TPTE: variants seen among roughly 807,000 people sequenced by gnomAD.
TPTE encodes the protein transmembrane phosphatase with tensin homology, also known as putative tyrosine-protein phosphatase TPTE.
TPTE carries 59 observed loss-of-function variants against 84.1 expected under a neutral mutation model. The observed-to-expected ratio is 0.70, with a 90% CI of 0.57 to 0.87. The LOEUF is 0.87. TPTE is among the 40% of genes least tolerant of loss of function. The probability of loss-of-function intolerance (pLI) is 0.00; values close to 1 mark genes in which losing one functional copy is unlikely to be tolerated. For missense variants in TPTE, 382 were observed against 659.6 expected (o/e 0.58, Z 4.61); for synonymous variants, 130 against 223.5 (o/e 0.58, Z 3.73).
At chr21:10,543,428 A>G (rs1454382747) in intron 7 of TPTE, 46 bp downstream of exon 7, 2 of 1,613,704 alleles carry the variant, frequency 1.2e-6, no homozygotes, top group East Asian at 4.5e-5. Context: ...AAGAGTGCAT[A>G]GAGCTATACA....
intron 7 of TPTE, among the ~76,000 whole-genome samples, chr21:10,543,623 A>G (rs1186315477): frequency 6.6e-5 from 10 of 152,414 alleles, no homozygotes; most frequent in East Asian, 1.9e-4. Flanking sequence ...AGGGTTTCCA[A>G]TTCTTCTCAT....
intron 23 of TPTE, among the ~76,000 whole-genome samples, chr21:10,605,074 A>C (rs1420907656): frequency 6.6e-6 from 1 of 152,312 alleles, no homozygotes; most frequent in African/African-American, 2.4e-5. Context: ...ATAAATTAAA[A>C]GAGATATAGT....
At chr21:10,571,574 GAT>G (rs2075044005) in intron 14 of TPTE, among the ~76,000 whole-genome samples, 2 of 152,310 alleles carry the variant, frequency 1.3e-5, no homozygotes, top group Admixed American at 6.5e-5. Context: ...GAAACTATGA[GAT>G]ACAGAGAATT....
chr21:10,575,261 T>G (rs1395509362), intron 14 of TPTE, among the ~76,000 whole-genome samples: 10 of 152,268 alleles, frequency 6.6e-5, no homozygotes, highest in Admixed American at 6.6e-4. Flanking sequence ...CCAGACTGCC[T>G]CTTTAAGCAG....
At chr21:10,566,977 CAAAAAAA>C (rs141155041) in intron 10 of TPTE, among the ~76,000 whole-genome samples, 167 of 126,120 alleles carry the variant, frequency 1.3e-3, no homozygotes, top group East Asian at 3.5e-3. Flanking sequence ...AACTCCATCT[CAAAAAAA>C]AAAAAAAAAA....
chr21:10,540,592 T>C (rs1439114034), intron 4 of TPTE: 1 of 508,692 alleles, frequency 2.0e-6, no homozygotes, highest in African/African-American at 1.9e-5. Flanking sequence ...CTAATAACCC[T>C]GGAATTATTT....
Position 10,561,130 on chromosome 21 carries a change from A to G in TPTE, c.385A>G (p.Ile129Val), listed in dbSNP as rs371357693. The change falls in exon 10 of 24, where the codon ATT becomes GTT. Residue 129 changes from isoleucine (I) to valine (V), a missense_variant. Physicochemically the swap from Ile to Val is conservative, Grantham distance 29. This residue lies in a region of TPTE where 85 missense variants were observed against 230.9 expected (regional missense o/e 0.37). Coordinates refer to ENST00000618007, the MANE Select transcript of TPTE (RefSeq NM_199261.4). ...TTATATTCCTTTGGAGTATCGTTCT[A>G]TTTCTCTAGCTATTGCCTTATTTTT... ...KLYIPLEYRS[I>V]SLAIALFFLM... 30 of 1,612,082 alleles carry G rather than the reference A, an allele frequency of 1.9e-5. No individual in the cohort carries two copies. The highest frequency in any genetic ancestry group is 9.3e-5 in the African/African-American group (7 of 75,010).
At chr21:10,601,655 C>G (rs867169037) in intron 21 of TPTE, among the ~76,000 whole-genome samples, 131 of 152,216 alleles carry the variant, frequency 8.6e-4, no homozygotes, top group African/African-American at 2.9e-3. Flanking sequence ...GAGTTTGAGA[C>G]CAGCCTGCCT....
chr21:10,564,915 A>G (rs538377098), intron 10 of TPTE, among the ~76,000 whole-genome samples: 2 of 152,428 alleles, frequency 1.3e-5, no homozygotes, highest in African/African-American at 4.8e-5. Flanking sequence ...GGAAAAAATG[A>G]AAAGCTTTTC....
chr21:10,536,612 C>G (rs879729837), intron 3 of TPTE, among the ~76,000 whole-genome samples: 1 of 152,294 alleles, frequency 6.6e-6, no homozygotes, highest in Admixed American at 6.5e-5. Flanking sequence ...GAGAGAGAAT[C>G]GACAGAGAGA....
At chr21:10,529,866 T>C (rs1422038393) in intron 3 of TPTE, among the ~76,000 whole-genome samples, 7 of 152,306 alleles carry the variant, frequency 4.6e-5, no homozygotes, top group African/African-American at 1.4e-4. Flanking sequence ...TTAGCATTCA[T>C]TGATTTTTAT....
chr21:10,551,615 T>A (rs1452505015), intron 7 of TPTE, among the ~76,000 whole-genome samples: 2 of 152,150 alleles, frequency 1.3e-5, no homozygotes, highest in South Asian at 4.1e-4. Context: ...GAGGCAAAAA[T>A]TACAAAAGGT....
chr21:10,599,745 C>A lies in TPTE; in HGVS notation c.1356+1651C>A, dbSNP rs1166129122. On this transcript the variant is annotated intron_variant, in intron 21 of 23. Transcript: ENST00000618007. Reference sequence around the variant, plus strand: ...TTCCATGAGTAGCTTGACCAGCAGACTTCATTCCAAATAAACTGGGTCATC... The same window carrying A: ...TTCCATGAGTAGCTTGACCAGCAGAATTCATTCCAAATAAACTGGGTCATC... 3.3e-5 allele frequency among the ~76,000 whole-genome samples: 5 copies of A among 152,430 alleles called. No individual in the cohort carries two copies. In the South Asian group the frequency reaches 8.3e-4, roughly 25 times the overall value.
chr21:10,536,609 A>C (rs2074271036), intron 3 of TPTE, among the ~76,000 whole-genome samples: 1 of 152,308 alleles, frequency 6.6e-6, no homozygotes, highest in Non-Finnish European at 1.5e-5. Context: ...AGAGAGAGAG[A>C]ATCGACAGAG....
At chr21:10,541,554 T>G (rs1484785194) in intron 5 of TPTE, among the ~76,000 whole-genome samples, 2 of 152,302 alleles carry the variant, frequency 1.3e-5, no homozygotes, top group Non-Finnish European at 2.9e-5. Flanking sequence ...GGATTAACTC[T>G]CAGATGTGTT....
intron 22 of TPTE, among the ~76,000 whole-genome samples, chr21:10,602,928 G>A (rs1176702514): frequency 6.6e-6 from 1 of 152,300 alleles, no homozygotes; most frequent in Non-Finnish European, 1.5e-5. Context: ...TTTAATGCAA[G>A]CAGCTATGAG....
In TPTE at chr21:10,605,546, C is replaced by CTTATA. The variant is rs1979198213; in HGVS notation, c.1650_1651insTTATA (p.Asp551LeufsTer2). 1 of 1,613,472 alleles carries CTTATA rather than the reference C, an allele frequency of 6.2e-7. No homozygotes were observed. The highest frequency in any genetic ancestry group is 1.3e-5 in the African/African-American group (1 of 74,950). ...CTTCCAGTGATGTTGTAGCTGGATC[C>CTTATA]GATTAAGTATAGCTCCCCCTTCCCC... On this transcript the variant is annotated frameshift_variant, in exon 24 of 24. Transcript: ENST00000618007. LOFTEE classifies it high-confidence loss of function.
intron 3 of TPTE, among the ~76,000 whole-genome samples, chr21:10,528,939 C>T (rs1401559721): frequency 1.3e-5 from 2 of 152,310 alleles, no homozygotes; most frequent in African/African-American, 4.8e-5. Context: ...GTAATCCCAG[C>T]ACTTTGGGAG....
chr21:10,545,994 T>C (rs554029398), intron 7 of TPTE, among the ~76,000 whole-genome samples: 1 of 152,390 alleles, frequency 6.6e-6, no homozygotes, highest in African/African-American at 2.4e-5. Flanking sequence ...AGTTTATATA[T>C]ACATATATGT....
Sources: allele counts gnomAD v4.1 joint callset (sites outside exome capture counted in the v4.1 genomes callset), GRCh38; gene constraint gnomAD v4.1.1; regional missense constraint gnomAD v4.1.1; transcripts MANE v1.5; gene names NCBI Gene and HGNC (gene_info 2026-07-23, HGNC 2026-07-21).